The following XPNPEP3 variants were observed in gnomAD, a reference collection of about 807,000 sequenced individuals.
XPNPEP3 encodes X-prolyl aminopeptidase 3.
A neutral mutation model predicts 60.0 loss-of-function variants in XPNPEP3; 41 were observed. That is an observed-to-expected ratio of 0.68 (90% CI 0.53 to 0.89). XPNPEP3 has a LOEUF of 0.89. Ranked by LOEUF, XPNPEP3 falls within the 40% of genes least tolerant of loss-of-function variation. The pLI, the probability that XPNPEP3 is intolerant of heterozygous loss-of-function variation, is 0.00. For synonymous variants in XPNPEP3, 212 were observed against 223.2 expected (o/e 0.95, Z 0.45); for missense variants, 598 against 638.9 (o/e 0.94, Z 0.69).
chr22:40,884,869 T>TA (rs1282991422), intron 3 of XPNPEP3, among the ~76,000 whole-genome samples: 1 of 151,256 alleles, frequency 6.6e-6, no homozygotes, highest in African/African-American at 2.4e-5. Flanking sequence ...CTACTAAAAA[T>TA]ACGAAAAAAT....
chr22:40,871,377 G>A (rs916923486), intron 2 of XPNPEP3, among the ~76,000 whole-genome samples: 3 of 152,074 alleles, frequency 2.0e-5, no homozygotes, highest in East Asian at 1.9e-4. Context: ...AGTCTCTTAC[G>A]CAGTTGGCTT....
At chr22:40,889,039 G>GT (rs1301606428) in intron 4 of XPNPEP3, among the ~76,000 whole-genome samples, 1 of 150,772 alleles carries the variant, frequency 6.6e-6, no homozygotes, top group Non-Finnish European at 1.5e-5. Flanking sequence ...GTTTTGTTTT[G>GT]TTTTTTCTTT....
At chr22:40,914,517 G>A (rs1038322996) in intron 7 of XPNPEP3, among the ~76,000 whole-genome samples, 193 bp downstream of exon 7, 1 of 147,274 alleles carries the variant, frequency 6.8e-6, no homozygotes, top group African/African-American at 2.5e-5. Context: ...GAAACACCTA[G>A]GTAACTAACA....
intron 5 of XPNPEP3, 139 bp downstream of exon 5, chr22:40,907,788 C>T: frequency 1.2e-6 from 1 of 849,808 alleles, no homozygotes; most frequent in Non-Finnish European, 1.9e-6. Flanking sequence ...TGAAATATCA[C>T]TGGTCATTTA....
chr22:40,869,077 A>G lies in XPNPEP3; in HGVS notation c.143A>G (p.Gln48Arg), dbSNP rs1217269849. The G allele has an allele frequency of 6.2e-7, 1 of 1,614,096 alleles. No individual in the cohort carries two copies. The highest frequency in any genetic ancestry group is 2.2e-5 in the East Asian group (1 of 44,890). ...AGGATTCCAAACCGATACTTAGGCC[A>G]GCCCAGCCCCTTTACACACCCACAC... ...ERRIPNRYLG[Q>R]PSPFTHPHLL... is the part of the protein sequence containing the mutation. The change falls in exon 2 of 10, where the codon CAG becomes CGG. Residue 48 changes from glutamine (Q) to arginine (R), a missense_variant. Transcript: ENST00000357137.
At position 40,881,728 on chromosome 22, in the gene XPNPEP3, A is replaced by G. The variant is rs897008355; in HGVS notation, c.182-42A>G. The G allele has an allele frequency of 8.7e-6, 14 of 1,609,470 alleles. No individual in the cohort carries two copies. In the African/African-American group the frequency reaches 1.9e-4, roughly 22 times the overall value. Reference sequence around the variant, plus strand: ...ATTAAACTACCTTAAGTACTTTGGCACTGCAGAAATGTAAAGCATCCCTTT... The same window carrying G: ...ATTAAACTACCTTAAGTACTTTGGCGCTGCAGAAATGTAAAGCATCCCTTT... On this transcript the variant is annotated intron_variant, in intron 2 of 9. Coordinates refer to ENST00000357137, the MANE Select transcript of XPNPEP3 (RefSeq NM_022098.4).
chr22:40,881,162 C>T lies in XPNPEP3; in HGVS notation c.182-608C>T, dbSNP rs559568585. Among the ~76,000 whole-genome samples the T allele has an allele frequency of 2.2e-3, 331 of 152,150 alleles. 2 individuals are homozygous for T. The highest frequency in any genetic ancestry group is 7.8e-3 in the African/African-American group (324 of 41,526). On this transcript the variant is annotated intron_variant, in intron 2 of 9. Transcript: ENST00000357137. ...CCAGGTTCAAGCGATTCTCCTGCCTCAGGCTCCCGAGTAGCTGGGATTACA... is the reference window on the plus strand; with the variant it reads ...CCAGGTTCAAGCGATTCTCCTGCCTTAGGCTCCCGAGTAGCTGGGATTACA...
At chr22:40,893,111 TATA>T (rs1027390344) in intron 4 of XPNPEP3, among the ~76,000 whole-genome samples, 3 of 147,552 alleles carry the variant, frequency 2.0e-5, no homozygotes, top group Non-Finnish European at 4.5e-5. Context: ...TATAAATATA[TATA>T]AATATATATT....
At chr22:40,884,243 G>C (rs1413845524) in intron 3 of XPNPEP3, among the ~76,000 whole-genome samples, 1 of 150,996 alleles carries the variant, frequency 6.6e-6, no homozygotes, top group Non-Finnish European at 1.5e-5. Flanking sequence ...GTTGCTACTT[G>C]TCATGTTCTA....
At position 40,922,342 on chromosome 22, in the gene XPNPEP3, A is replaced by C. The variant is rs1350347297; in HGVS notation, c.1065A>C (p.Ala355=). 1.2e-6 allele frequency: 2 copies of C among 1,613,588 alleles called. No homozygotes were observed. The highest frequency in any genetic ancestry group is 1.3e-5 in the African/African-American group (1 of 74,834). Residue 355 remains alanine, a synonymous_variant, in exon 8 of 10, where the codon GCA becomes GCC. Transcript: ENST00000357137. The stretch of plus-strand genomic sequence containing the variant: ...GTTTTCCCGTCCCCAGGTTCACCGC[A>C]CCTCAGGCAGAACTCTATGAAGCCG... ...RTWPVNGRFT[A]PQAELYEAVL...
chr22:40,914,135 T>A (rs1408785383), intron 6 of XPNPEP3, 104 bp from the exon 7 acceptor site: 39 of 954,346 alleles, frequency 4.1e-5, no homozygotes, highest in Non-Finnish European at 5.8e-5. Context: ...AGAGTGAAAC[T>A]CCGTCTCAGA....
chr22:40,858,585 AGTGGCGCGATCTCTTGCC>A (rs1443140388), intron 1 of XPNPEP3, among the ~76,000 whole-genome samples: 12 of 127,780 alleles, frequency 9.4e-5, no homozygotes, highest in African/African-American at 3.4e-4. Flanking sequence ...GCTGGAGTGC[AGTGGCGCGATCTCTTGCC>A]TTACTGCAAC....
rs1405343173 is a variant in XPNPEP3, at chr22:40,898,224, C to CTTTTTT, written c.793-9363_793-9362insTTTTTT. 2.6e-4 allele frequency among the ~76,000 whole-genome samples: 18 copies of CTTTTTT among 70,254 alleles called. 1 individual carries two copies. Among genetic ancestry groups the CTTTTTT allele is most frequent in the South Asian group, 9.6e-4 (2 of 2,094 alleles). 46.1% of individuals were successfully genotyped at this position (70,254 alleles called of 152,430 possible). On this transcript the variant is annotated intron_variant, in intron 4 of 9. Transcript: ENST00000357137. Reference sequence around the variant, plus strand: ...ATGTTTTATGTTTAGGTCTTTGACCCATTTTTTTTTTTTTTTTTTTTTTTT... The same window carrying CTTTTTT: ...ATGTTTTATGTTTAGGTCTTTGACCCTTTTTTATTTTTTTTTTTTTTTTTTTTTTTT...
chr22:40,928,994 C>T lies in XPNPEP3; in HGVS notation c.*2559C>T, dbSNP rs1296901723. On this transcript the variant is annotated 3_prime_UTR_variant, in exon 10 of 10. Coordinates refer to ENST00000357137, the MANE Select transcript of XPNPEP3 (RefSeq NM_022098.4). The stretch of plus-strand genomic sequence containing the variant: ...AGCTGGAGTCTCCATCCCCCATACC[C>T]ACCTTCCCACCTCCCTCCAATTTCT... 6.6e-6 allele frequency: 1 copy of T among 152,138 alleles called. No homozygotes were observed. The highest frequency in any genetic ancestry group is 1.5e-5 in the Non-Finnish European group (1 of 68,044). 9.4% of individuals were successfully genotyped at this position (152,138 alleles called of 1,614,324 possible).
chr22:40,894,192 G>A (rs74676228), intron 4 of XPNPEP3, among the ~76,000 whole-genome samples: 6 of 152,076 alleles, frequency 3.9e-5, no homozygotes, highest in Non-Finnish European at 7.4e-5. Context: ...GCAAGACTCC[G>A]TTTCTTAAGA....
chr22:40,865,105 T>A (rs1039796838), intron 1 of XPNPEP3, among the ~76,000 whole-genome samples: 2 of 152,200 alleles, frequency 1.3e-5, no homozygotes, highest in Non-Finnish European at 2.9e-5. Context: ...GCTGTGCCAT[T>A]TTCTCTGCCT....
At chr22:40,878,623 G>T (rs1004690277) in intron 2 of XPNPEP3, among the ~76,000 whole-genome samples, 1 of 148,908 alleles carries the variant, frequency 6.7e-6, no homozygotes, top group East Asian at 2.0e-4. Context: ...ATCTTACTCT[G>T]TCGCTCAGGC....
chr22:40,916,444 C>G (rs1034756925), intron 7 of XPNPEP3, among the ~76,000 whole-genome samples: 1 of 151,982 alleles, frequency 6.6e-6, no homozygotes, highest in Non-Finnish European at 1.5e-5. Flanking sequence ...CAAAAAAGAA[C>G]CAGAGATTGT....
At chr22:40,913,697 A>G (rs950679939) in intron 6 of XPNPEP3, among the ~76,000 whole-genome samples, 1 of 152,142 alleles carries the variant, frequency 6.6e-6, no homozygotes, top group Non-Finnish European at 1.5e-5. Flanking sequence ...CTGAAACACC[A>G]CGCATTGCCA....
Sources: allele counts gnomAD v4.1 joint callset (sites outside exome capture counted in the v4.1 genomes callset), GRCh38; gene constraint gnomAD v4.1.1; transcripts MANE v1.5; gene names NCBI Gene and HGNC (gene_info 2026-07-23, HGNC 2026-07-21).